GLIS3: variants seen among roughly 807,000 people sequenced by gnomAD.
GLIS3 encodes zinc finger protein GLIS3.
A neutral mutation model predicts 78.6 loss-of-function variants in GLIS3; 53 were observed. The observed-to-expected ratio is 0.67, with a 90% CI of 0.54 to 0.85. The LOEUF (loss-of-function observed/expected upper bound fraction) is 0.85. Among genes scored for constraint, GLIS3 ranks in the 40% least tolerant of loss-of-function variants. GLIS3 has a pLI of 0.00. For missense variants in GLIS3, 1,703 were observed against 1,231.1 expected, an observed-to-expected ratio of 1.38 and a Z score of -5.74; for synonymous variants, 684 against 509.9, an observed-to-expected ratio of 1.34 and a Z score of -4.60.
intron 4 of GLIS3, among the ~76,000 whole-genome samples, chr9:4,011,356 G>A (rs190188282): frequency 6.6e-6 from 1 of 152,278 alleles, no homozygotes; most frequent in African/African-American, 2.4e-5. Flanking sequence ...GTGGTAAAAT[G>A]GAAGATGAAA....
At chr9:4,466,752 C>A in the GLIS3 span, among the ~76,000 whole-genome samples, 26 of 152,204 alleles carry the variant, frequency 1.7e-4, no homozygotes, top group African/African-American at 6.3e-4. Context: ...GCATTTCCAA[C>A]TGAGGTACAG....
chr9:4,423,332 G>A, the GLIS3 span, among the ~76,000 whole-genome samples: 1 of 152,132 alleles, frequency 6.6e-6, no homozygotes, highest in African/African-American at 2.4e-5. Context: ...ATTTCCCTCT[G>A]AGTTGCATCT....
chr9:4,280,600 G>C (rs1587287549), intron 2 of GLIS3, among the ~76,000 whole-genome samples: 1 of 152,168 alleles, frequency 6.6e-6, no homozygotes, highest in Non-Finnish European at 1.5e-5. Context: ...GTCAAAGAAT[G>C]AATTGTATTT....
At chr9:3,947,178 G>T (rs1816359828) in intron 4 of GLIS3, among the ~76,000 whole-genome samples, 1 of 152,208 alleles carries the variant, frequency 6.6e-6, no homozygotes, top group African/African-American at 2.4e-5. Flanking sequence ...GTTGGCAATG[G>T]ACTTGGCTGC....
the GLIS3 span, among the ~76,000 whole-genome samples, chr9:4,404,721 G>C: frequency 1.4e-4 from 22 of 152,162 alleles, no homozygotes; most frequent in African/African-American, 4.8e-4. Context: ...AGTGAGAGCA[G>C]TACTGAGATA....
rs574080394 is a variant in GLIS3, at chr9:4,275,396, C to A, written c.388+10642G>T. On this transcript the variant is annotated intron_variant, in intron 2 of 10. Coordinates refer to ENST00000381971, the MANE Select transcript of GLIS3 (RefSeq NM_001042413.2). The stretch of plus-strand genomic sequence containing the variant: ...CAAATAGAGAGAAGGAGAAAGATTT[C>A]TCTGAACTCCTATAGCAAAAGATCT... 4.1e-4 allele frequency among the ~76,000 whole-genome samples: 63 copies of A among 152,298 alleles called. 1 individual carries two copies. The highest frequency in any genetic ancestry group is 2.0e-3 in the Admixed American group (30 of 15,294).
chr9:3,985,206 G>C (rs1819642412), intron 4 of GLIS3, among the ~76,000 whole-genome samples: 1 of 151,958 alleles, frequency 6.6e-6, no homozygotes, highest in Non-Finnish European at 1.5e-5. Context: ...GTGCAGTAAA[G>C]AGCTTGGCTC....
At chr9:4,096,230 A>G (rs888823385) in intron 4 of GLIS3, among the ~76,000 whole-genome samples, 2 of 152,232 alleles carry the variant, frequency 1.3e-5, no homozygotes, top group Non-Finnish European at 2.9e-5. Context: ...TGCTAAAATA[A>G]CCAGACGATG....
At chr9:3,990,124 A>G (rs1297921556) in intron 4 of GLIS3, among the ~76,000 whole-genome samples, 3 of 152,220 alleles carry the variant, frequency 2.0e-5, no homozygotes, top group African/African-American at 7.2e-5. Context: ...CACGAAGTTC[A>G]TTTTCAAAGA....
intron 8 of GLIS3, among the ~76,000 whole-genome samples, chr9:3,864,580 G>C (rs1820445231): frequency 6.6e-6 from 1 of 152,166 alleles, no homozygotes; most frequent in Admixed American, 6.5e-5. Context: ...GATGTCAAAA[G>C]TCAACATAAT....
chr9:4,044,797 C>G (rs1383384615), intron 4 of GLIS3, among the ~76,000 whole-genome samples: 1 of 152,210 alleles, frequency 6.6e-6, no homozygotes, highest in Non-Finnish European at 1.5e-5. Context: ...CTAACACAGA[C>G]TCTTCACTTT....
At chr9:4,291,506 G>A (rs1410658949) in intron 1 of GLIS3, among the ~76,000 whole-genome samples, 1 of 152,070 alleles carries the variant, frequency 6.6e-6, no homozygotes, top group African/African-American at 2.4e-5. Context: ...TTTATAGAGT[G>A]AAAGGACTGG....
chr9:4,240,151 G>T (rs1017877339), intron 2 of GLIS3, among the ~76,000 whole-genome samples: 3 of 147,344 alleles, frequency 2.0e-5, no homozygotes, highest in Admixed American at 6.9e-5. Flanking sequence ...TGGCATCAGG[G>T]ACCAGTTTCA....
intron 2 of GLIS3, among the ~76,000 whole-genome samples, chr9:4,206,183 G>A (rs1275753041): frequency 6.6e-6 from 1 of 152,090 alleles, no homozygotes; most frequent in African/African-American, 2.4e-5. Context: ...ATCTGGAAAG[G>A]GAATCTTAAT....
At chr9:4,116,686 G>A (rs1340798799) in intron 4 of GLIS3, among the ~76,000 whole-genome samples, 2 of 152,160 alleles carry the variant, frequency 1.3e-5, no homozygotes, top group African/African-American at 4.8e-5. Flanking sequence ...ACTACAGAAA[G>A]AAGGAACTCG....
At chr9:4,311,765 G>C (rs1008038339) in intron 2 of GLIS3, among the ~76,000 whole-genome samples, 5 of 152,206 alleles carry the variant, frequency 3.3e-5, no homozygotes, top group African/African-American at 4.8e-5. Flanking sequence ...TATGTTTAAA[G>C]ACTGTCAGCA....
chr9:4,480,837 A>G, the GLIS3 span, among the ~76,000 whole-genome samples: 1 of 137,204 alleles, frequency 7.3e-6, no homozygotes, highest in Non-Finnish European at 1.5e-5. Flanking sequence ...CCTTCATTGA[A>G]AAAAAAAAAA....
the GLIS3 span, among the ~76,000 whole-genome samples, chr9:4,434,072 G>A: frequency 6.9e-6 from 1 of 144,632 alleles, no homozygotes; most frequent in East Asian, 2.1e-4. Context: ...CTCCAGCCTG[G>A]TGACAGAGTG....
At chr9:4,058,212 G>A (rs775596738) in intron 4 of GLIS3, among the ~76,000 whole-genome samples, 1 of 152,140 alleles carries the variant, frequency 6.6e-6, no homozygotes, top group Non-Finnish European at 1.5e-5. Context: ...GCTCCAGCCA[G>A]TGACTGCAGG....
Sources: allele counts gnomAD v4.1 joint callset (sites outside exome capture counted in the v4.1 genomes callset), GRCh38; gene constraint gnomAD v4.1.1; transcripts MANE v1.5; gene names NCBI Gene and HGNC (gene_info 2026-07-23, HGNC 2026-07-21).